TANC2: variants seen among roughly 807,000 people sequenced by gnomAD.
The protein encoded by TANC2 is tetratricopeptide repeat, ankyrin repeat and coiled-coil containing 2.
TANC2 carries 26 observed loss-of-function variants against 210.5 expected under a neutral mutation model. The observed-to-expected ratio is 0.12, with a 90% CI of 0.09 to 0.17. The LOEUF (loss-of-function observed/expected upper bound fraction) is 0.17, where lower values mean the gene tolerates loss of function less well. TANC2 is among the 10% of genes least tolerant of loss of function. TANC2 has a pLI of 1.00. For missense variants in TANC2, 2,129 were observed against 2,608.9 expected (o/e 0.82, Z 4.01); for synonymous variants, 931 against 967.1 (o/e 0.96, Z 0.69).
At chr17:63,367,370 G>A (rs554728880) in intron 14 of TANC2, among the ~76,000 whole-genome samples, 1 of 152,046 alleles carries the variant, frequency 6.6e-6, no homozygotes, top group African/African-American at 2.4e-5. Flanking sequence ...ACATAAATTC[G>A]TACACTTTCT....
chr17:63,064,180 C>T (rs1161545352), intron 2 of TANC2, among the ~76,000 whole-genome samples: 1 of 152,130 alleles, frequency 6.6e-6, no homozygotes, highest in Admixed American at 6.5e-5. Flanking sequence ...TGGGGCCAGG[C>T]ACAGTGGCTC....
In TANC2 at chr17:63,012,562, T is replaced by C. The variant is rs1454063567; in HGVS notation, c.67+2936T>C. ...AGTCACTGTTACTTAGATATGCCCATATATTTGACCTTTTCATTGATTTTC... is the reference window on the plus strand; with the variant it reads ...AGTCACTGTTACTTAGATATGCCCACATATTTGACCTTTTCATTGATTTTC... On this transcript the variant is annotated intron_variant, in intron 2 of 27. Transcript: ENST00000689528. Among the ~76,000 whole-genome samples, 3 of 150,134 alleles carry C rather than the reference T, an allele frequency of 2.0e-5. No individual in the cohort carries two copies. In the East Asian group the frequency reaches 5.8e-4, roughly 29 times the overall value.
At chr17:63,196,350 A>G (rs2041345765) in intron 6 of TANC2, among the ~76,000 whole-genome samples, 1 of 152,196 alleles carries the variant, frequency 6.6e-6, no homozygotes, top group Non-Finnish European at 1.5e-5. Flanking sequence ...TCATTTCTTG[A>G]TATTCATGTC....
In TANC2 at chr17:63,009,630, A is replaced by G. The variant is rs892744016; in HGVS notation, c.67+4A>G. The G allele has an allele frequency of 3.1e-6, 5 of 1,611,926 alleles. No individual in the cohort carries two copies. The South Asian group carries it at 4.4e-5, about 14-fold the overall frequency. On this transcript the variant is annotated splice_donor_region_variant and intron_variant, in intron 2 of 27. Coordinates refer to ENST00000689528, the Ensembl canonical transcript of TANC2. ...AGTCGTAAAAACAGGTCAAGTGGTA[A>G]GTGACTATGCTACATTTATTGTGCG...
chr17:63,013,792 T>G (rs1309341307), intron 2 of TANC2, among the ~76,000 whole-genome samples: 1 of 151,734 alleles, frequency 6.6e-6, no homozygotes, highest in Non-Finnish European at 1.5e-5. Flanking sequence ...AAAAAATCTT[T>G]ATCATCTATT....
rs2036050656 is a variant in TANC2 at position 63,063,015 on chromosome 17, T to TA, written c.68-10927dup. On this transcript the variant is annotated intron_variant, in intron 2 of 27. Transcript: ENST00000689528. ...GCCAGTTGCAAGTCTGAGTTTCTAG[T>TA]ATTTCTGACAAGGAAAAAAATTGGA... 2.6e-5 allele frequency among the ~76,000 whole-genome samples: 4 copies of TA among 152,334 alleles called. No homozygotes were observed. The South Asian group carries it at 8.3e-4, about 32-fold the overall frequency.
At chr17:63,141,522 T>C (rs2039292593) in intron 4 of TANC2, among the ~76,000 whole-genome samples, 1 of 150,750 alleles carries the variant, frequency 6.6e-6, no homozygotes, top group Non-Finnish European at 1.5e-5. Flanking sequence ...GCCTAGATTG[T>C]GCCACTGCAC....
chr17:63,143,981 T>A (rs2039379264), intron 4 of TANC2, among the ~76,000 whole-genome samples: 1 of 152,110 alleles, frequency 6.6e-6, no homozygotes, highest in African/African-American at 2.4e-5. Context: ...AGTGAGACCC[T>A]GTCTTTAAAA....
intron 1 of TANC2, among the ~76,000 whole-genome samples, chr17:62,981,191 A>AT (rs2032280434): frequency 6.6e-6 from 1 of 152,066 alleles, no homozygotes; most frequent in Admixed American, 6.6e-5. Context: ...TTGCATTCAC[A>AT]TTGTCAGTAT....
chr17:63,047,721 A>G (rs1011053892), intron 2 of TANC2, among the ~76,000 whole-genome samples: 3 of 152,208 alleles, frequency 2.0e-5, no homozygotes, highest in African/African-American at 4.8e-5. Context: ...ATGTAGAGGA[A>G]GAAAAATATC....
At chr17:63,091,004 T>G (rs2037168272) in intron 3 of TANC2, among the ~76,000 whole-genome samples, 3 of 152,194 alleles carry the variant, frequency 2.0e-5, no homozygotes, top group African/African-American at 7.2e-5. Flanking sequence ...CATAAATGTC[T>G]TCTTTTGAGA....
intron 21 of TANC2, among the ~76,000 whole-genome samples, chr17:63,410,077 T>C (rs2048641920): frequency 6.6e-6 from 1 of 152,246 alleles, no homozygotes; most frequent in African/African-American, 2.4e-5. Flanking sequence ...ATACTCAAGC[T>C]GTATATGTAT....
chr17:63,233,567 A>G (rs1329983566), intron 7 of TANC2, among the ~76,000 whole-genome samples: 5 of 152,168 alleles, frequency 3.3e-5, no homozygotes, highest in African/African-American at 7.2e-5. Context: ...GTCAGTCCCA[A>G]TAAGAGAACC....
chr17:63,243,199 C>T (rs1231429801), intron 8 of TANC2, among the ~76,000 whole-genome samples: 1 of 152,108 alleles, frequency 6.6e-6, no homozygotes, highest in Non-Finnish European at 1.5e-5. Flanking sequence ...ATGGCAATGG[C>T]AAGCAACACA....
rs374933800 is a variant in TANC2, at chr17:63,276,015, T to C, written c.1159+8142T>C. On this transcript the variant is annotated intron_variant, in intron 9 of 27. Transcript: ENST00000689528. ...ATTATTTTCCTCAAAAGTGACTAGGTCTATTAAAGTAACCATAATGCCAAT... is the reference window on the plus strand; with the variant it reads ...ATTATTTTCCTCAAAAGTGACTAGGCCTATTAAAGTAACCATAATGCCAAT... Among the ~76,000 whole-genome samples the C allele has an allele frequency of 6.2e-4, 95 of 152,254 alleles. 2 individuals are homozygous for C. In the South Asian group the frequency reaches 0.019, roughly 31 times the overall value.
At chr17:63,261,455 C>G (rs1270309982) in intron 8 of TANC2, among the ~76,000 whole-genome samples, 3 of 152,144 alleles carry the variant, frequency 2.0e-5, no homozygotes, top group Non-Finnish European at 4.4e-5. Flanking sequence ...GGATCCTGCT[C>G]AGCTGAGGCT....
intron 2 of TANC2, among the ~76,000 whole-genome samples, chr17:63,047,276 A>G (rs1252869874): frequency 6.6e-6 from 1 of 152,230 alleles, no homozygotes; most frequent in Non-Finnish European, 1.5e-5. Flanking sequence ...AGAACCTTAT[A>G]GATCGTGTTC....
intron 14 of TANC2, among the ~76,000 whole-genome samples, chr17:63,374,893 G>A (rs1292327773): frequency 6.6e-6 from 1 of 152,166 alleles, no homozygotes; most frequent in African/African-American, 2.4e-5. Flanking sequence ...TGGCCAGGGA[G>A]TGAGCAGTCA....
At chr17:63,060,856 A>C (rs977190652) in intron 2 of TANC2, among the ~76,000 whole-genome samples, 6 of 152,152 alleles carry the variant, frequency 3.9e-5, no homozygotes, top group African/African-American at 1.4e-4. Context: ...TCTTTAGCTC[A>C]GATTCTTTGT....
Sources: allele counts gnomAD v4.1 joint callset (sites outside exome capture counted in the v4.1 genomes callset), GRCh38; gene constraint gnomAD v4.1.1; transcripts MANE v1.5; gene names NCBI Gene and HGNC (gene_info 2026-07-23, HGNC 2026-07-21).